Variants in PCM1 observed in about 807,000 individuals in gnomAD.
The protein encoded by PCM1 is pericentriolar material 1, also known as pericentriolar material 1 protein.
PCM1 carries 157 observed loss-of-function variants against 241.9 expected under a neutral mutation model. The ratio of observed to expected loss-of-function variants is 0.65; its 90% CI spans 0.57 to 0.74. PCM1 has a LOEUF of 0.74. PCM1 is among the 30% of genes least tolerant of loss of function. PCM1 has a pLI of 0.00. For missense variants in PCM1, 3,478 were observed against 2,360.1 expected (o/e 1.47, Z -9.81); for synonymous variants, 1,085 against 784.9 (o/e 1.38, Z -6.39).
intron 1 of PCM1, among the ~76,000 whole-genome samples, chr8:17,923,677 G>C (rs193244809): frequency 6.6e-6 from 1 of 152,084 alleles, no homozygotes; most frequent in African/African-American, 2.4e-5. Context: ...GAGGAGCGAC[G>C]CGACTCTGAA....
At chr8:18,006,223 T>C (rs371794557) in intron 29 of PCM1, 40 bp from the exon 30 acceptor site, 12 of 1,486,666 alleles carry the variant, frequency 8.1e-6, no homozygotes, top group Non-Finnish European at 1.1e-5. Context: ...TTTTAAACAA[T>C]AGGTAAGTTT....
At position 17,985,967 on chromosome 8, in the gene PCM1, A is replaced by T. The variant is rs1447923382; in HGVS notation, c.4290A>T (p.Val1430=). ...CTTATTTTCTTATTTAGGACATAGT[A>T]TCCAGACATATTTCTGAGAGCCATG... ...QRALYALQDI[V]SRHISESHEK... is the part of the protein sequence containing the mutation. Residue 1430 remains valine, a synonymous_variant, in exon 26 of 39, where the codon GTA becomes GTT. Transcript: ENST00000325083. 6.4e-7 allele frequency: 1 copy of T among 1,551,196 alleles called. No homozygotes were observed. The highest frequency in any genetic ancestry group is 1.8e-5 in the Admixed American group (1 of 56,794).
At position 17,942,468 on chromosome 8, in the gene PCM1, ATG is replaced by A. The variant is rs529617107; in HGVS notation, c.783+2608_783+2609del. Among the ~76,000 whole-genome samples, 423 of 152,216 alleles carry A rather than the reference ATG, an allele frequency of 2.8e-3. 2 individuals carry two copies. Among genetic ancestry groups the A allele is most frequent in the African/African-American group, 9.7e-3 (404 of 41,518 alleles). On this transcript the variant is annotated intron_variant, in intron 6 of 38. Transcript: ENST00000325083. ...GAGACTGCGTCTCAAAAAAAAAATA[ATG>A]AAATAAAAATAAATAAATTTAGATG...
Position 17,978,398 on chromosome 8 carries a change from A to G in PCM1, c.3944-2193A>G, listed in dbSNP as rs192297368. Among the ~76,000 whole-genome samples, 472 of 152,176 alleles carry G rather than the reference A, an allele frequency of 3.1e-3. 2 individuals are homozygous for G. Among genetic ancestry groups the G allele is most frequent in the Admixed American group, 0.024 (360 of 15,272 alleles). On this transcript the variant is annotated intron_variant, in intron 23 of 38. Transcript: ENST00000325083. ...TCTAGCCAGGAGAGAAGTGAGGGAAACACACAAACACCTATGCAGAGTCTG... is the reference window on the plus strand; with the variant it reads ...TCTAGCCAGGAGAGAAGTGAGGGAAGCACACAAACACCTATGCAGAGTCTG...
At chr8:17,968,764 A>G (rs6985264) in intron 21 of PCM1, among the ~76,000 whole-genome samples, 29,355 of 86,706 alleles carry the variant, frequency 0.34, 3,884 homozygotes, top group African/African-American at 0.52. Context: ...GTGTGTGTGT[A>G]TATATATATA....
intron 24 of PCM1, chr8:17,982,420 G>A (rs1351922439): frequency 6.6e-6 from 1 of 151,988 alleles, no homozygotes; most frequent in Non-Finnish European, 1.5e-5. Context: ...TATAATGATT[G>A]AATTTTGGTG....
intron 36 of PCM1, among the ~76,000 whole-genome samples, chr8:18,017,689 A>G (rs752356840): frequency 6.6e-6 from 1 of 152,178 alleles, no homozygotes; most frequent in African/African-American, 2.4e-5. Flanking sequence ...CCCTGTCTCT[A>G]TTAAAAATAC....
chr8:18,012,392 A>G (rs1205530548), intron 34 of PCM1, among the ~76,000 whole-genome samples: 1 of 152,202 alleles, frequency 6.6e-6, no homozygotes, highest in Non-Finnish European at 1.5e-5. Context: ...GCACAAGAGA[A>G]TTAATTATTC....
At chr8:17,987,935 C>G (rs2083162620) in intron 26 of PCM1, among the ~76,000 whole-genome samples, 1 of 151,760 alleles carries the variant, frequency 6.6e-6, no homozygotes, top group Non-Finnish European at 1.5e-5. Flanking sequence ...GCCTCATTCT[C>G]TAGATGCTTC....
chr8:18,012,829 C>CAAA (rs2092692620), intron 34 of PCM1, among the ~76,000 whole-genome samples: 1 of 152,072 alleles, frequency 6.6e-6, no homozygotes, highest in Non-Finnish European at 1.5e-5. Flanking sequence ...TTTTCTTTGA[C>CAAA]TTTAACACTT....
rs1007567769 is a variant in PCM1 at position 17,986,054 on chromosome 8, T to C, written c.4377T>C (p.Leu1459=). The part of the protein sequence containing the change: ...SGTWIASNSE[L]TPSESLATTD... ...CTTGGATAGCATCAAACTCAGAACT[T>C]ACTCCTAGTGAGAGCCTTGCTACTA... Residue 1459 remains leucine (L), a synonymous_variant, in exon 26 of 39, where the codon CTT becomes CTC. Coordinates refer to ENST00000325083, the MANE Select transcript of PCM1 (RefSeq NM_006197.4). The C allele has an allele frequency of 1.2e-6, 2 of 1,601,394 alleles. No homozygotes were observed. Among genetic ancestry groups the C allele is most frequent in the Non-Finnish European group, 1.7e-6 (2 of 1,172,852 alleles).
intron 10 of PCM1, 91 bp from the exon 11 acceptor site, chr8:17,956,513 G>C: frequency 1.3e-6 from 1 of 769,438 alleles, no homozygotes; most frequent in Admixed American, 2.7e-5. Context: ...TCTAAATTTT[G>C]TTTCTGTTAG....
intron 34 of PCM1, among the ~76,000 whole-genome samples, chr8:18,012,167 T>G (rs192909150): frequency 1.1e-4 from 16 of 152,104 alleles, no homozygotes; most frequent in African/African-American, 3.6e-4. Flanking sequence ...TCCAATAATT[T>G]ATACGTTTTA....
intron 15 of PCM1, among the ~76,000 whole-genome samples, chr8:17,960,732 G>C (rs1214186756): frequency 6.6e-6 from 1 of 151,910 alleles, no homozygotes; most frequent in Non-Finnish European, 1.5e-5. Flanking sequence ...CACAGTGTTA[G>C]CCAGGATGGT....
At chr8:17,976,926 G>T (rs1049039522) in intron 23 of PCM1, among the ~76,000 whole-genome samples, 2 of 150,552 alleles carry the variant, frequency 1.3e-5, no homozygotes, top group African/African-American at 4.9e-5. Flanking sequence ...TCTCTTCACA[G>T]TTTCAGCTAT....
At chr8:17,996,927 C>T (rs2087023823) in intron 29 of PCM1, among the ~76,000 whole-genome samples, 2 of 152,182 alleles carry the variant, frequency 1.3e-5, no homozygotes, top group African/African-American at 4.8e-5. Context: ...TGTCTTTCCA[C>T]TTAAGAGTAG....
intron 6 of PCM1, among the ~76,000 whole-genome samples, chr8:17,942,888 T>C (rs1338200374): frequency 1.3e-5 from 2 of 151,500 alleles, no homozygotes; most frequent in Non-Finnish European, 2.9e-5. Flanking sequence ...TCTCAGCTAC[T>C]CAGGAGGCTG....
chr8:17,958,475 CTA>C (rs1563923955), intron 13 of PCM1, among the ~76,000 whole-genome samples: 1 of 151,774 alleles, frequency 6.6e-6, no homozygotes, highest in East Asian at 1.9e-4. Flanking sequence ...AGTTACATAA[CTA>C]TTAACACAAA....
intron 6 of PCM1, among the ~76,000 whole-genome samples, chr8:17,944,494 T>C (rs576361237): frequency 3.9e-5 from 6 of 152,168 alleles, no homozygotes; most frequent in Non-Finnish European, 8.8e-5. Flanking sequence ...TCTCTGAAAT[T>C]GGACTACTAC....
Sources: gnomAD v4.1 joint callset for allele counts (sites outside exome capture counted in the v4.1 genomes callset) on GRCh38, gnomAD v4.1.1 for gene constraint, MANE v1.5 for transcripts, NCBI Gene and HGNC (gene_info 2026-07-23, HGNC 2026-07-21) for gene names.